The following MAPK10 variants were observed in gnomAD, a reference collection of about 807,000 sequenced individuals.
The protein encoded by MAPK10 is JNK3 alpha protein kinase.
Under a neutral mutation model 59.3 loss-of-function variants are expected in MAPK10, and 25 were observed. The ratio of observed to expected loss-of-function variants is 0.42; its 90% CI spans 0.31 to 0.59. The LOEUF is 0.59. Ranked by LOEUF, MAPK10 falls within the 20% of genes least tolerant of loss-of-function variation. The pLI is 0.15. For synonymous variants in MAPK10, 190 were observed against 200.5 expected, an observed-to-expected ratio of 0.95 and a Z score of 0.44; for missense variants, 351 against 568.9, an observed-to-expected ratio of 0.62 and a Z score of 3.90.
At chr4:86,416,990 C>T (rs1440857283) in intron 1 of MAPK10, among the ~76,000 whole-genome samples, 13 of 152,072 alleles carry the variant, frequency 8.5e-5, no homozygotes. Flanking sequence ...CCACCCACTC[C>T]CCTCCTCTTC....
intron 4 of MAPK10, among the ~76,000 whole-genome samples, chr4:86,150,109 AC>A (rs2066041100): frequency 1.3e-5 from 2 of 152,346 alleles, no homozygotes; most frequent in Non-Finnish European, 2.9e-5. Context: ...ACCATGGAAT[AC>A]CACTCAGCCA....
chr4:86,251,028 G>T (rs1199442041), intron 2 of MAPK10, among the ~76,000 whole-genome samples: 1 of 143,972 alleles, frequency 6.9e-6, no homozygotes, highest in Non-Finnish European at 1.5e-5. Flanking sequence ...AGAAGTGAAG[G>T]AATTGTCCAT....
intron 3 of MAPK10, among the ~76,000 whole-genome samples, chr4:86,168,504 G>T (rs1349293032): frequency 6.6e-6 from 1 of 152,218 alleles, no homozygotes; most frequent in Non-Finnish European, 1.5e-5. Context: ...CAGCGAGGCT[G>T]GGGGAGAGGC....
chr4:86,369,116 G>A (rs1164129072), intron 1 of MAPK10, among the ~76,000 whole-genome samples: 1 of 152,086 alleles, frequency 6.6e-6, no homozygotes, highest in Admixed American at 6.5e-5. Context: ...TTTGAGTTTG[G>A]TCTGGAAATT....
intron 9 of MAPK10, among the ~76,000 whole-genome samples, chr4:86,083,369 G>A (rs532067929): frequency 3.9e-5 from 6 of 152,224 alleles, no homozygotes; most frequent in Middle Eastern, 3.4e-3. Flanking sequence ...CAACAATTCC[G>A]TGTGCTGGGG....
At chr4:86,304,387 C>CTTTTTT (rs1162506350) in intron 2 of MAPK10, among the ~76,000 whole-genome samples, 27 of 112,542 alleles carry the variant, frequency 2.4e-4, no homozygotes, top group East Asian at 5.5e-4. Context: ...TGGAGTATTT[C>CTTTTTT]TTTTTTTTTT....
At chr4:86,323,838 A>G (rs1651978752) in intron 2 of MAPK10, among the ~76,000 whole-genome samples, 2 of 152,232 alleles carry the variant, frequency 1.3e-5, no homozygotes. Flanking sequence ...TTTGTGTAAA[A>G]ATAATATTTT....
intron 4 of MAPK10, among the ~76,000 whole-genome samples, chr4:86,137,249 C>T (rs2062424701): frequency 6.6e-6 from 1 of 151,840 alleles, no homozygotes. Context: ...CAGCACCACA[C>T]CACACCTACT....
At chr4:86,160,610 G>A (rs1402577358) in intron 3 of MAPK10, 2 of 151,982 alleles carry the variant, frequency 1.3e-5, no homozygotes, top group Non-Finnish European at 2.9e-5. Flanking sequence ...AATGCTGGTT[G>A]TCCTACAAGA....
At chr4:86,213,731 C>T (rs1311445319) in intron 2 of MAPK10, among the ~76,000 whole-genome samples, 1 of 152,046 alleles carries the variant, frequency 6.6e-6, no homozygotes, top group African/African-American at 2.4e-5. Flanking sequence ...CAAAAACATT[C>T]TGACAAAGAA....
chr4:86,299,534 C>A (rs909453714), intron 2 of MAPK10, among the ~76,000 whole-genome samples: 2 of 152,100 alleles, frequency 1.3e-5, no homozygotes, highest in African/African-American at 4.8e-5. Context: ...TTTGCCTGTA[C>A]CTTGATTTTG....
intron 1 of MAPK10, among the ~76,000 whole-genome samples, chr4:86,491,435 A>G: frequency 6.6e-6 from 1 of 151,986 alleles, no homozygotes; most frequent in East Asian, 1.9e-4. Flanking sequence ...CATGACCCCA[A>G]CCCCAGTTCT....
At chr4:86,355,074 T>C (rs1254281169) in intron 1 of MAPK10, among the ~76,000 whole-genome samples, 1 of 152,132 alleles carries the variant, frequency 6.6e-6, no homozygotes, top group Admixed American at 6.6e-5. Flanking sequence ...CTCTGAAGTA[T>C]GCAAAAGAAA....
intron 3 of MAPK10, among the ~76,000 whole-genome samples, chr4:86,168,556 C>G (rs28830922): frequency 6.6e-6 from 1 of 152,058 alleles, no homozygotes; most frequent in African/African-American, 2.4e-5. Context: ...CAAAGCAGCC[C>G]GGAAGCTCCA....
In MAPK10 at chr4:86,125,481, T is replaced by C. The variant is rs530903797; in HGVS notation, c.237-18129A>G. 8 of 152,182 alleles carry C rather than the reference T, an allele frequency of 5.3e-5. No individual in the cohort carries two copies. The South Asian group carries it at 1.7e-3, about 32-fold the overall frequency. The allele number at this position is 152,182 out of a possible 1,614,324, so 9.4% of individuals were successfully genotyped here. ...TAATATATTTTAGCATGTACTTTCA[T>C]TGACAAAATATTCCCTTTTAGATAT... is the stretch of plus-strand genomic sequence containing the variant. On this transcript the variant is annotated intron_variant, in intron 4 of 13. Coordinates refer to ENST00000641462, the MANE Select transcript of MAPK10 (RefSeq NM_138982.4).
intron 1 of MAPK10, among the ~76,000 whole-genome samples, chr4:86,572,867 T>C (rs1484881458): frequency 6.6e-6 from 1 of 152,236 alleles, no homozygotes; most frequent in Non-Finnish European, 1.5e-5. Context: ...ATGATATTCA[T>C]CTTAATTTGC....
At chr4:86,078,802 C>T (rs1240942939) in intron 9 of MAPK10, among the ~76,000 whole-genome samples, 1 of 151,926 alleles carries the variant, frequency 6.6e-6, no homozygotes, top group Non-Finnish European at 1.5e-5. Flanking sequence ...CCAGCCTGAC[C>T]AACATAGAGA....
chr4:86,359,282 CTCTCTCTGTGTGTGTG>C (rs1455969233), intron 1 of MAPK10, among the ~76,000 whole-genome samples: 3 of 137,096 alleles, frequency 2.2e-5, no homozygotes, highest in African/African-American at 8.7e-5. Context: ...CTCTCTCTCT[CTCTCTCTGTGTGTGTG>C]TGTGTGTGTG....
At chr4:86,423,794 T>TAC (rs1327733528) in intron 1 of MAPK10, among the ~76,000 whole-genome samples, 4 of 147,016 alleles carry the variant, frequency 2.7e-5, no homozygotes, top group Non-Finnish European at 4.5e-5. Context: ...TATATATATA[T>TAC]ATGTTTAGGA....
Sources: gnomAD v4.1 joint callset for allele counts (sites outside exome capture counted in the v4.1 genomes callset) on GRCh38, gnomAD v4.1.1 for gene constraint, MANE v1.5 for transcripts, NCBI Gene and HGNC (gene_info 2026-07-23, HGNC 2026-07-21) for gene names.